The following PGD variants were observed in gnomAD, a reference collection of about 807,000 sequenced individuals.
PGD encodes 6-phosphogluconate dehydrogenase, decarboxylating.
PGD carries 21 observed loss-of-function variants against 60.4 expected under a neutral mutation model. That is an observed-to-expected ratio of 0.35 (90% CI 0.25 to 0.50). The LOEUF is 0.50. PGD is among the 20% of genes least tolerant of loss of function. The pLI is 0.98. For missense variants in PGD, 477 were observed against 613.1 expected (o/e 0.78, Z 2.34); for synonymous variants, 230 against 235.9 (o/e 0.97, Z 0.23).
intron 5 of PGD, 90 bp from the exon 6 acceptor site, chr1:10,407,981 G>T (rs971816248): frequency 1.3e-6 from 1 of 766,614 alleles, no homozygotes; most frequent in Non-Finnish European, 2.3e-6. Flanking sequence ...AAAGATAGGG[G>T]TTGGTGTCTA....
intron 5 of PGD, among the ~76,000 whole-genome samples, chr1:10,405,888 C>T (rs1639396297): frequency 1.3e-5 from 2 of 152,014 alleles, no homozygotes; most frequent in South Asian, 2.1e-4. Context: ...GCTCTGTTGC[C>T]CAGGTTGGAG....
Position 10,419,544 on chromosome 1 carries a change from G to A in PGD, c.1332+5G>A. 1 of 1,614,068 alleles carries A rather than the reference G, an allele frequency of 6.2e-7. No homozygotes were observed. The highest frequency in any genetic ancestry group is 8.5e-7 in the Non-Finnish European group (1 of 1,179,910). On this transcript the variant is annotated splice_donor_5th_base_variant and intron_variant, in intron 12 of 12. Transcript: ENST00000270776. ...CTTCCAGCCAGCCTCATCCAGGTAA[G>A]CCTGTGGAGCAGGGATTAACCTGGC...
In PGD at chr1:10,399,389, G is replaced by C. The variant is rs1391818571; in HGVS notation, c.9-240G>C. The C allele has an allele frequency of 2.2e-4, 109 of 504,586 alleles. 2 individuals are homozygous for C. In the East Asian group the frequency reaches 3.9e-3, roughly 18 times the overall value. The allele number at this position is 504,586 out of a possible 1,614,324, so 31.3% of individuals were successfully genotyped here. Reference sequence around the variant, plus strand: ...GGAGGAGGCGCGGCCAGGCCTCGCCGAGTCTGCAGGGACACCTGCGGGACG... The same window carrying C: ...GGAGGAGGCGCGGCCAGGCCTCGCCCAGTCTGCAGGGACACCTGCGGGACG... On this transcript the variant is annotated intron_variant, in intron 1 of 12. Transcript: ENST00000270776.
intron 10 of PGD, among the ~76,000 whole-genome samples, chr1:10,418,181 T>G (rs188823209): frequency 8.5e-5 from 13 of 152,172 alleles, no homozygotes; most frequent in African/African-American, 1.9e-4. Context: ...TGGCTGAAGA[T>G]TCATTTGATG....
At chr1:10,404,372 G>C in intron 5 of PGD, 93 bp downstream of exon 5, 1 of 676,350 alleles carries the variant, frequency 1.5e-6, no homozygotes, top group Non-Finnish European at 2.4e-6. Flanking sequence ...CCTGATCTCT[G>C]TGGTGCCCTG....
chr1:10,405,399 A>C (rs75587901), intron 5 of PGD, among the ~76,000 whole-genome samples: 66 of 55,732 alleles, frequency 1.2e-3, no homozygotes, highest in African/African-American at 4.7e-3. Context: ...ACAAACAAAA[A>C]ATACACACAC....
intron 6 of PGD, among the ~76,000 whole-genome samples, chr1:10,410,437 GT>G (rs1238905857): frequency 6.6e-6 from 1 of 150,590 alleles, no homozygotes; most frequent in Non-Finnish European, 1.5e-5. Context: ...GCGAGACTCC[GT>G]TTCAAAAAAA....
chr1:10,404,167 T>G lies in PGD; in HGVS notation c.337T>G (p.Cys113Gly). 1.2e-6 allele frequency: 2 copies of G among 1,608,802 alleles called. No individual in the cohort carries two copies. The highest frequency in any genetic ancestry group is 1.7e-6 in the Non-Finnish European group (2 of 1,176,954). Residue 113 changes from cysteine (C) to glycine (G), a missense_variant, in exon 5 of 13, where the codon TGC becomes GGC. Transcript: ENST00000270776. ...TTATTTTTCTGTCCTTCAGAGACGGTGCCGAGACCTCAAGGCCAAGGGAAT... is the reference window on the plus strand; with the variant it reads ...TTATTTTTCTGTCCTTCAGAGACGGGGCCGAGACCTCAAGGCCAAGGGAAT... ...NSEYRDTTRR[C>G]RDLKAKGILF...
chr1:10,402,717 GT>G (rs1241507340), intron 3 of PGD, among the ~76,000 whole-genome samples: 1 of 151,720 alleles, frequency 6.6e-6, no homozygotes, highest in East Asian at 2.0e-4. Context: ...TAGAGACGAG[GT>G]TTCACCATGT....
Position 10,418,874 on chromosome 1 carries a change from TC to T in PGD, c.1159del (p.Gln387ArgfsTer133), listed in dbSNP as rs1470558401. The T allele has an allele frequency of 6.2e-7, 1 of 1,612,720 alleles. No homozygotes were observed. Among genetic ancestry groups the T allele is most frequent in the Non-Finnish European group, 8.5e-7 (1 of 1,178,796 alleles). ...ATGCATTTGATCGAAACCCGGAACT[TC>T]AGAACCTCCTACTGGACGACTTCTT... is the stretch of plus-strand genomic sequence containing the variant. ...KDAFDRNPEL[Q>X]NLLLDDFFKS... On this transcript the variant is annotated frameshift_variant, in exon 11 of 13. Coordinates refer to ENST00000270776, the MANE Select transcript of PGD (RefSeq NM_002631.4). LOFTEE classifies it high-confidence loss of function.
Position 10,408,586 on chromosome 1 carries a change from A to G in PGD, c.519+446A>G, listed in dbSNP as rs544056735. 9.2e-5 allele frequency among the ~76,000 whole-genome samples: 14 copies of G among 152,270 alleles called. No individual in the cohort carries two copies. In the South Asian group the frequency reaches 2.9e-3, roughly 32 times the overall value. ...CCATCCTGTAGTGTGGGATTCAGGC[A>G]TTCTGTGCTTGAACAAAGTAACCTG... On this transcript the variant is annotated intron_variant, in intron 6 of 12. Transcript: ENST00000270776.
chr1:10,405,344 C>T (rs1254971763), intron 5 of PGD, among the ~76,000 whole-genome samples: 1 of 151,122 alleles, frequency 6.6e-6, no homozygotes, highest in Admixed American at 6.6e-5. Flanking sequence ...GCACTTCACC[C>T]TGGCGACAGA....
rs777247337 is a variant in PGD, at chr1:10,418,823, C to G, written c.1110-3C>G. On this transcript the variant is annotated splice_region_variant and splice_polypyrimidine_tract_variant and intron_variant, in intron 10 of 12. Coordinates refer to ENST00000270776, the MANE Select transcript of PGD (RefSeq NM_002631.4). ...TGCTTTTTTCCCCCCTTGATTATTT[C>G]AGTGTATTCCTAGGAAAGATAAAGG... 6.7e-7 allele frequency: 1 copy of G among 1,486,020 alleles called. No homozygotes were observed. Among genetic ancestry groups the G allele is most frequent in the Non-Finnish European group, 9.3e-7 (1 of 1,072,520 alleles). The allele number at this position is 1,486,020 out of a possible 1,614,324, so 92.1% of individuals were successfully genotyped here.
intron 3 of PGD, 46 bp downstream of exon 3, chr1:10,400,618 T>C: frequency 6.7e-7 from 1 of 1,485,140 alleles, no homozygotes; most frequent in Non-Finnish European, 9.1e-7. Context: ...AGCAGCTGTT[T>C]TTGGTTTCTT....
intron 5 of PGD, among the ~76,000 whole-genome samples, chr1:10,405,337 C>CTTCA (rs1639382232): frequency 6.6e-6 from 1 of 151,632 alleles, no homozygotes; most frequent in Admixed American, 6.6e-5. Flanking sequence ...CGCCACTGCA[C>CTTCA]TTCACCCTGG....
intron 5 of PGD, 93 bp from the exon 6 acceptor site, chr1:10,407,978 G>A (rs1427517380): frequency 1.3e-6 from 1 of 749,848 alleles, no homozygotes; most frequent in Admixed American, 2.1e-5. Context: ...GGAAAAGATA[G>A]GGGTTGGTGT....
chr1:10,401,066 T>C (rs1281924203), intron 3 of PGD, among the ~76,000 whole-genome samples: 9 of 152,006 alleles, frequency 5.9e-5, no homozygotes, highest in Non-Finnish European at 1.3e-4. Flanking sequence ...TTAGCTGGGC[T>C]TTGTGGCTCA....
chr1:10,402,084 T>C (rs1437861069), intron 3 of PGD, among the ~76,000 whole-genome samples: 1 of 152,104 alleles, frequency 6.6e-6, no homozygotes, highest in Non-Finnish European at 1.5e-5. Flanking sequence ...CTGGTTGGTG[T>C]GCTGTAGGTA....
intron 5 of PGD, among the ~76,000 whole-genome samples, chr1:10,405,327 C>T (rs975301173): frequency 2.3e-4 from 35 of 151,584 alleles, no homozygotes; most frequent in Admixed American, 1.1e-3. Flanking sequence ...GCCGAGATCG[C>T]GCCACTGCAC....
Sources: gnomAD v4.1 joint callset for allele counts (sites outside exome capture counted in the v4.1 genomes callset) on GRCh38, gnomAD v4.1.1 for gene constraint, MANE v1.5 for transcripts, NCBI Gene and HGNC (gene_info 2026-07-23, HGNC 2026-07-21) for gene names.